The following PLPP4 variants were observed in gnomAD, a reference collection of about 807,000 sequenced individuals.
PLPP4 encodes the protein phospholipid phosphatase 4, also known as diacylglycerol pyrophosphate like 2.
In PLPP4, 20 loss-of-function variants were observed where a neutral mutation model predicts 32.2. The observed-to-expected ratio is 0.62, with a 90% CI of 0.44 to 0.90. PLPP4 has a LOEUF of 0.90. Ranked by LOEUF, PLPP4 falls within the 40% of genes least tolerant of loss-of-function variation. The pLI is 0.00. For missense variants in PLPP4, 257 were observed against 353.1 expected (o/e 0.73, Z 2.18); for synonymous variants, 127 against 133.0 (o/e 0.95, Z 0.31).
At chr10:120,533,274 G>T (rs1329296556) in intron 5 of PLPP4, among the ~76,000 whole-genome samples, 1 of 152,140 alleles carries the variant, frequency 6.6e-6, no homozygotes, top group East Asian at 1.9e-4. Flanking sequence ...TAATGAGGTT[G>T]AATACCTTTT....
chr10:120,519,970 T>C (rs1173138834), intron 4 of PLPP4, among the ~76,000 whole-genome samples: 2 of 152,218 alleles, frequency 1.3e-5, no homozygotes, highest in Non-Finnish European at 2.9e-5. Flanking sequence ...TCAAAGCTTG[T>C]CCTTGCCACT....
chr10:120,562,072 C>T (rs34007382), intron 5 of PLPP4, among the ~76,000 whole-genome samples: 32,356 of 152,080 alleles, frequency 0.21, 3,899 homozygotes, highest in Non-Finnish European at 0.27. Context: ...CCTTTCTAAG[C>T]ATATGGTATA....
At chr10:120,465,579 C>T (rs530495677) in intron 1 of PLPP4, among the ~76,000 whole-genome samples, 1 of 152,274 alleles carries the variant, frequency 6.6e-6, no homozygotes, top group South Asian at 2.1e-4. Context: ...TTCTTCTTTA[C>T]CAGAGGGTTT....
In PLPP4 at chr10:120,575,319, G is replaced by C; in HGVS notation, c.616+18G>C. 6.2e-7 allele frequency: 1 copy of C among 1,610,262 alleles called. No homozygotes were observed. Among genetic ancestry groups the C allele is most frequent in the South Asian group, 1.1e-5 (1 of 90,824 alleles). On this transcript the variant is annotated intron_variant, in intron 6 of 6. Coordinates refer to ENST00000398250, the MANE Select transcript of PLPP4 (RefSeq NM_001030059.3). Reference sequence around the variant, plus strand: ...CTGGCAAGGTGAGTCCCTGCCCAGGGCCTGACTAGTCCTCACTGTGGTTGC... The same window carrying C: ...CTGGCAAGGTGAGTCCCTGCCCAGGCCCTGACTAGTCCTCACTGTGGTTGC...
At chr10:120,491,517 T>C (rs959561617) in intron 1 of PLPP4, among the ~76,000 whole-genome samples, 1 of 151,878 alleles carries the variant, frequency 6.6e-6, no homozygotes, top group Non-Finnish European at 1.5e-5. Flanking sequence ...TTTCTAATTT[T>C]TCTCATTATT....
intron 1 of PLPP4, among the ~76,000 whole-genome samples, chr10:120,486,166 G>A (rs1046209539): frequency 3.3e-5 from 5 of 152,080 alleles, no homozygotes; most frequent in South Asian, 2.1e-4. Flanking sequence ...GATTTTTCAC[G>A]CCCACCCTCT....
chr10:120,580,115 CAAAAAAAAAAAA>C (rs10609637), intron 6 of PLPP4, among the ~76,000 whole-genome samples: 14 of 91,574 alleles, frequency 1.5e-4, no homozygotes, highest in Non-Finnish European at 2.8e-4. Context: ...GCGAGACTCT[CAAAAAAAAAAAA>C]AAAAAAAAAA....
chr10:120,549,299 A>G (rs567663894), intron 5 of PLPP4, among the ~76,000 whole-genome samples: 4 of 151,296 alleles, frequency 2.6e-5, no homozygotes, highest in African/African-American at 9.7e-5. Context: ...TAAAATGATT[A>G]ATTTCCTTGT....
At chr10:120,561,063 G>C (rs1784489909) in intron 5 of PLPP4, among the ~76,000 whole-genome samples, 1 of 152,124 alleles carries the variant, frequency 6.6e-6, no homozygotes, top group African/African-American at 2.4e-5. Flanking sequence ...TCACCATATA[G>C]GTAAACCATC....
Position 120,513,647 on chromosome 10 carries a change from A to G in PLPP4, c.166-264A>G, listed in dbSNP as rs371236809. Among the ~76,000 whole-genome samples the G allele has an allele frequency of 1.3e-4, 20 of 152,316 alleles. 1 individual carries two copies. The South Asian group carries it at 3.9e-3, about 30-fold the overall frequency. The stretch of plus-strand genomic sequence containing the variant: ...TCGTAATTATAGACTATTCTTTTCC[A>G]TTTAAAAAGTCACTGCTTTAAACAT... On this transcript the variant is annotated intron_variant, in intron 2 of 6. Coordinates refer to ENST00000398250, the MANE Select transcript of PLPP4 (RefSeq NM_001030059.3).
Position 120,497,994 on chromosome 10 carries a change from C to T in PLPP4, c.57-5824C>T, listed in dbSNP as rs572811328. 9.4e-4 allele frequency among the ~76,000 whole-genome samples: 142 copies of T among 151,830 alleles called. 2 individuals carry two copies. The South Asian group carries it at 0.024, about 26-fold the overall frequency. On this transcript the variant is annotated intron_variant, in intron 1 of 6. Coordinates refer to ENST00000398250, the MANE Select transcript of PLPP4 (RefSeq NM_001030059.3). ...GGCGGAGCTTGCAGTGAGCAGAGAT[C>T]GCACCACTGCACTCCAGCCTGGGTG... is the stretch of plus-strand genomic sequence containing the variant.
chr10:120,571,093 C>CGTGTGTGTGTGTGTGT lies in PLPP4; in HGVS notation c.446-4014_446-3999dup, dbSNP rs60011757. ...TTCCTTCCCATCAGTAGTAAAGGGGCGTGTGTGTGTGTGTGTGTGTGTGTG... is the reference window on the plus strand; with the variant it reads ...TTCCTTCCCATCAGTAGTAAAGGGGCGTGTGTGTGTGTGTGTGTGTGTGTGTGTGTGTGTGTGTGTG... On this transcript the variant is annotated intron_variant, in intron 5 of 6. Transcript: ENST00000398250. Among the ~76,000 whole-genome samples the CGTGTGTGTGTGTGTGT allele has an allele frequency of 7.6e-5, 11 of 144,660 alleles. No homozygotes were observed. In the East Asian group the frequency reaches 8.3e-4, roughly 11 times the overall value. The allele number at this position is 144,660 out of a possible 152,430, so 94.9% of individuals were successfully genotyped here.
At chr10:120,535,757 C>CT (rs1846988917) in intron 5 of PLPP4, among the ~76,000 whole-genome samples, 1 of 152,078 alleles carries the variant, frequency 6.6e-6, no homozygotes, top group Admixed American at 6.5e-5. Context: ...CATGTGGATG[C>CT]AAACCCCCCT....
At chr10:120,533,835 G>A (rs918401879) in intron 5 of PLPP4, among the ~76,000 whole-genome samples, 3 of 151,880 alleles carry the variant, frequency 2.0e-5, no homozygotes, top group Admixed American at 6.6e-5. Context: ...CTGTGGATTC[G>A]AGTTACCATC....
chr10:120,519,016 T>A (rs1428471908), intron 4 of PLPP4, 120 bp downstream of exon 4: 1 of 606,758 alleles, frequency 1.6e-6, no homozygotes, highest in Non-Finnish European at 2.8e-6. Flanking sequence ...CTTAAATTGT[T>A]GTCCTTCTGA....
intron 1 of PLPP4, among the ~76,000 whole-genome samples, chr10:120,470,193 A>G (rs977186947): frequency 3.9e-5 from 6 of 152,094 alleles, no homozygotes; most frequent in African/African-American, 1.4e-4. Flanking sequence ...GCATTTCTCT[A>G]TGTTTAGTGT....
intron 5 of PLPP4, among the ~76,000 whole-genome samples, chr10:120,565,729 C>T (rs1848664109): frequency 6.6e-6 from 1 of 151,798 alleles, no homozygotes. Context: ...CCTGAGATAC[C>T]CTCTGCCATT....
At chr10:120,541,027 T>C (rs1204210129) in intron 5 of PLPP4, among the ~76,000 whole-genome samples, 3 of 152,236 alleles carry the variant, frequency 2.0e-5, no homozygotes, top group African/African-American at 7.2e-5. Context: ...TTCTGTATAT[T>C]CGTAACCAGA....
intron 5 of PLPP4, among the ~76,000 whole-genome samples, chr10:120,538,541 G>A (rs528629581): frequency 2.0e-4 from 30 of 152,146 alleles, no homozygotes; most frequent in African/African-American, 7.0e-4. Context: ...GAATGATCAC[G>A]TCAGGTCACT....
Sources: gnomAD v4.1 joint callset for allele counts (sites outside exome capture counted in the v4.1 genomes callset) on GRCh38, gnomAD v4.1.1 for gene constraint, MANE v1.5 for transcripts, NCBI Gene and HGNC (gene_info 2026-07-23, HGNC 2026-07-21) for gene names.